Variants in SYT7 observed in about 807,000 individuals in gnomAD.
SYT7 encodes synaptotagmin 7.
A neutral mutation model predicts 75.1 loss-of-function variants in SYT7; 29 were observed. The observed-to-expected ratio is 0.39, with a 90% confidence interval of 0.29 to 0.53. The LOEUF is 0.53. Ranked by LOEUF, SYT7 falls within the 20% of genes least tolerant of loss-of-function variation. SYT7 has a pLI of 0.77. For synonymous variants in SYT7, 376 were observed against 401.7 expected, an observed-to-expected ratio of 0.94 and a Z score of 0.76; for missense variants, 693 against 953.2, an observed-to-expected ratio of 0.73 and a Z score of 3.59.
chr11:61,542,151 TG>T lies in SYT7; in HGVS notation c.941+59del, dbSNP rs2063060465. The T allele has an allele frequency of 6.7e-7, 1 of 1,499,244 alleles. No individual in the cohort carries two copies. Among genetic ancestry groups the T allele is most frequent in the African/African-American group, 1.4e-5 (1 of 70,536 alleles). The allele number at this position is 1,499,244 out of a possible 1,614,324, so 92.9% of individuals were successfully genotyped here. A position where few individuals can be genotyped will look rare whatever the true frequency, so the allele number is the denominator to read the frequency against. On this transcript the variant is annotated intron_variant, in intron 6 of 12. Coordinates refer to ENST00000539008, the MANE Select transcript of SYT7 (RefSeq NM_001365809.2). This position sits in a 1 kb window ranked among gnomAD's most constrained non-coding sequence, Gnocchi z 7.8. ...ACAACCAGCTGCTCCCAAGGAGATC[TG>T]GGGGGCAGGAGGCTGGGTCAGGGAG...
chr11:61,581,250 G>C (rs1036289977), upstream of SYT7: 1 of 146,888 alleles, frequency 6.8e-6, no homozygotes, highest in Admixed American at 6.8e-5. Flanking sequence ...GCCCGCCGCC[G>C]CCCGAAGCCG....
Position 61,551,380 on chromosome 11 carries a change from C to T in SYT7, c.215+4G>A. 1 of 1,613,732 alleles carries T rather than the reference C, an allele frequency of 6.2e-7. No individual in the cohort carries two copies. Reference sequence around the variant, plus strand: ...CCATCCCAAACTAGCAGCCTGGCACCTACTTGATAGCCTTCTTCTCACTGC... The same window carrying T: ...CCATCCCAAACTAGCAGCCTGGCACTTACTTGATAGCCTTCTTCTCACTGC... On this transcript the variant is annotated splice_donor_region_variant and intron_variant, in intron 3 of 12. Coordinates refer to ENST00000539008, the MANE Select transcript of SYT7 (RefSeq NM_001365809.2). This position sits in a 1 kb window ranked among gnomAD's most constrained non-coding sequence, Gnocchi z 5.3.
At chr11:61,571,633 C>T (rs571148921) in intron 1 of SYT7, among the ~76,000 whole-genome samples, 8 of 152,348 alleles carry the variant, frequency 5.3e-5, no homozygotes, top group South Asian at 4.1e-4. Context: ...CTAGCAGAAG[C>T]GGGCACCTTC....
intron 7 of SYT7, chr11:61,533,390 C>A: frequency 2.0e-6 from 2 of 985,432 alleles, no homozygotes; most frequent in Non-Finnish European, 2.4e-6. Flanking sequence ...CCCCATTCTT[C>A]CTGTTCCCCA....
chr11:61,521,069 T>C (rs2062312995), intron 12 of SYT7, among the ~76,000 whole-genome samples: 2 of 152,146 alleles, frequency 1.3e-5, no homozygotes, highest in Non-Finnish European at 2.9e-5. Flanking sequence ...TATTCGGAGG[T>C]CACGGAGCTC....
chr11:61,551,796 A>G lies in SYT7; in HGVS notation c.136-333T>C, dbSNP rs1049232386. 6.6e-6 allele frequency among the ~76,000 whole-genome samples: 1 copy of G among 152,082 alleles called. No individual in the cohort carries two copies. The highest frequency in any genetic ancestry group is 2.4e-5 in the African/African-American group (1 of 41,394). Reference sequence around the variant, plus strand: ...AGAAACACAGTTCCCTCTGCCACGGACAGACGGCTCTCAGGCGCCTGGCCA... The same window carrying G: ...AGAAACACAGTTCCCTCTGCCACGGGCAGACGGCTCTCAGGCGCCTGGCCA... On this transcript the variant is annotated intron_variant, in intron 2 of 12. Transcript: ENST00000539008. The surrounding 1 kb of genome is among the most constrained non-coding windows in gnomAD (Gnocchi z 5.3).
At chr11:61,554,978 T>C (rs1433813899) in intron 2 of SYT7, among the ~76,000 whole-genome samples, 1 of 152,194 alleles carries the variant, frequency 6.6e-6, no homozygotes, top group Non-Finnish European at 1.5e-5. Flanking sequence ...AGGAGGCATG[T>C]TGGGTTCTGG....
Position 61,558,475 on chromosome 11 carries a change from AAT to A in SYT7, c.32-2270_32-2269del, listed in dbSNP as rs1294807234. Among the ~76,000 whole-genome samples, 889 of 143,030 alleles carry A rather than the reference AAT, an allele frequency of 6.2e-3. 9 individuals carry two copies. Among genetic ancestry groups the A allele is most frequent in the African/African-American group, 0.023 (844 of 36,184 alleles). 93.8% of individuals were successfully genotyped at this position (143,030 alleles called of 152,430 possible). A position where few individuals can be genotyped will look rare whatever the true frequency, so the allele number is the denominator to read the frequency against. The stretch of plus-strand genomic sequence containing the variant: ...ACAGAGCAAGACTCTGTTTCAAAAA[AAT>A]ATATATATACACACACACACACACA... On this transcript the variant is annotated intron_variant, in intron 1 of 12. Transcript: ENST00000539008.
intron 1 of SYT7, among the ~76,000 whole-genome samples, chr11:61,567,345 C>G (rs1262795192): frequency 6.6e-6 from 1 of 150,526 alleles, no homozygotes. Context: ...AGCGCCCCGC[C>G]CCCCAGAGCT....
At chr11:61,571,807 G>C (rs1446359310) in intron 1 of SYT7, among the ~76,000 whole-genome samples, 1 of 152,190 alleles carries the variant, frequency 6.6e-6, no homozygotes, top group African/African-American at 2.4e-5. Flanking sequence ...AGGTCTGAGT[G>C]CCAGAGCTGA....
upstream of SYT7, among the ~76,000 whole-genome samples, chr11:61,583,798 G>A (rs1311401395): frequency 6.6e-6 from 1 of 152,238 alleles, no homozygotes; most frequent in Non-Finnish European, 1.5e-5. Flanking sequence ...TGTGCAAACT[G>A]CGGCTCTGGG....
chr11:61,570,288 C>G (rs2063886803), intron 1 of SYT7, among the ~76,000 whole-genome samples: 1 of 152,150 alleles, frequency 6.6e-6, no homozygotes, highest in Non-Finnish European at 1.5e-5. Flanking sequence ...TCAAAGCCCT[C>G]TGGAGTGTGG....
chr11:61,561,550 T>C (rs2063636372), intron 1 of SYT7, among the ~76,000 whole-genome samples: 1 of 152,170 alleles, frequency 6.6e-6, no homozygotes, highest in Non-Finnish European at 1.5e-5. Context: ...AGCGGCCTGC[T>C]TCTGAGGGTG....
At chr11:61,541,364 T>A in intron 6 of SYT7, 3 of 945,012 alleles carry the variant, frequency 3.2e-6, no homozygotes, top group Non-Finnish European at 3.8e-6. Flanking sequence ...CAGACCTGTC[T>A]TAGGCTCTGA....
chr11:61,529,029 T>C (rs901022581), intron 8 of SYT7, among the ~76,000 whole-genome samples: 1 of 152,138 alleles, frequency 6.6e-6, no homozygotes, highest in East Asian at 1.9e-4. Context: ...GCCACGTGTC[T>C]GAACCTGTGA....
rs761235165 is a variant in SYT7, at chr11:61,528,074, T to C, written c.1312A>G (p.Lys438Glu). 1 of 1,613,952 alleles carries C rather than the reference T, an allele frequency of 6.2e-7. No homozygotes were observed. The highest frequency in any genetic ancestry group is 2.2e-5 in the East Asian group (1 of 44,864). ...GGCAGCTCCTGGGCCTTCATGATCTTCACGGTGAGCGTGGACTCCTGGAAG... is the reference window on the plus strand; with the variant it reads ...GGCAGCTCCTGGGCCTTCATGATCTCCACGGTGAGCGTGGACTCCTGGAAG... ...YNFQESTLTVKIMKAQELPAK... is the reference protein window; with the variant it reads ...YNFQESTLTVEIMKAQELPAK... The change falls in exon 9 of 13, where the codon AAG becomes GAG. Residue 438 changes from lysine to glutamate, a missense_variant. Lys to Glu is a moderately conservative substitution (Grantham distance 56). Around this residue, in one of 2 missense-constraint regions of SYT7, gnomAD observed 206 missense variants for 360.0 expected, o/e 0.57. Coordinates refer to ENST00000539008, the MANE Select transcript of SYT7 (RefSeq NM_001365809.2).
rs1250813564 is a variant in SYT7, at chr11:61,576,575, C to T, written c.31+4215G>A. Among the ~76,000 whole-genome samples, 1 of 152,226 alleles carries T rather than the reference C, an allele frequency of 6.6e-6. No individual in the cohort carries two copies. Among genetic ancestry groups the T allele is most frequent in the Non-Finnish European group, 1.5e-5 (1 of 68,038 alleles). On this transcript the variant is annotated intron_variant, in intron 1 of 12. Transcript: ENST00000539008. This position sits in a 1 kb window ranked among gnomAD's most constrained non-coding sequence, Gnocchi z 4.1. ...CTCCGGACTGGGCCTCCCGCCCCCA[C>T]GTGACCCCTCCCAGCTCTTCTCCCT...
intron 1 of SYT7, among the ~76,000 whole-genome samples, chr11:61,556,493 C>T (rs1379104465): frequency 6.6e-6 from 1 of 152,228 alleles, no homozygotes; most frequent in African/African-American, 2.4e-5. Flanking sequence ...CTGTGCCGGC[C>T]TCCAAACTTG....
intron 1 of SYT7, among the ~76,000 whole-genome samples, chr11:61,562,570 G>A (rs1332151244): frequency 6.6e-6 from 1 of 152,164 alleles, no homozygotes; most frequent in African/African-American, 2.4e-5. Context: ...ACTCAATGGT[G>A]GTAAATGAAA....
Sources: allele counts gnomAD v4.1 joint callset (sites outside exome capture counted in the v4.1 genomes callset), GRCh38; gene constraint gnomAD v4.1.1; regional missense constraint gnomAD v4.1.1; non-coding constraint Gnocchi (gnomAD v3.1); transcripts MANE v1.5; gene names NCBI Gene and HGNC (gene_info 2026-07-23, HGNC 2026-07-21).